ADAM32: variants seen among roughly 807,000 people sequenced by gnomAD.
The protein encoded by ADAM32 is disintegrin and metalloproteinase domain-containing protein 32.
A neutral mutation model predicts 114.9 loss-of-function variants in ADAM32; 89 were observed. That is an observed-to-expected ratio of 0.77 (90% confidence interval 0.65 to 0.92). ADAM32 has a LOEUF of 0.92. Among genes scored for constraint, ADAM32 ranks in the 40% least tolerant of loss-of-function variants. The pLI is 0.00. For missense variants in ADAM32, 870 were observed against 932.8 expected (o/e 0.93, Z 0.88); for synonymous variants, 285 against 307.5 (o/e 0.93, Z 0.77).
At chr8:39,208,619 G>C (rs73606767) in intron 11 of ADAM32, among the ~76,000 whole-genome samples, 37,570 of 152,020 alleles carry the variant, frequency 0.25, 5,019 homozygotes, top group Non-Finnish European at 0.29. Context: ...TGGTCTAAGA[G>C]TTTTGAATCA....
At position 39,273,839 on chromosome 8, in the gene ADAM32, G is replaced by A. The variant is rs146642172; in HGVS notation, c.2202-473G>A. 8.5e-3 allele frequency among the ~76,000 whole-genome samples: 1,290 copies of A among 152,152 alleles called. 15 individuals carry two copies. The highest frequency in any genetic ancestry group is 0.03 in the African/African-American group (1,225 of 41,504). On this transcript the variant is annotated intron_variant, in intron 20 of 24. Transcript: ENST00000379907. ...TCAGCACTCCTCTATGCGAGGAATGGAAAGGGAAAATTGTTTTGCCAGCTC... is the reference window on the plus strand; with the variant it reads ...TCAGCACTCCTCTATGCGAGGAATGAAAAGGGAAAATTGTTTTGCCAGCTC...
At chr8:39,118,387 T>C (rs566596466) in intron 2 of ADAM32, among the ~76,000 whole-genome samples, 1 of 152,220 alleles carries the variant, frequency 6.6e-6, no homozygotes, top group East Asian at 1.9e-4. Context: ...TTTTTAAAAG[T>C]TTACATATAG....
At chr8:39,141,100 G>A (rs1803125931) in intron 3 of ADAM32, among the ~76,000 whole-genome samples, 1 of 151,752 alleles carries the variant, frequency 6.6e-6, no homozygotes, top group Non-Finnish European at 1.5e-5. Context: ...TATTAGTCTT[G>A]CTAGTGGTCT....
intron 19 of ADAM32, among the ~76,000 whole-genome samples, chr8:39,266,266 G>T (rs1431651996): frequency 6.6e-6 from 1 of 152,158 alleles, no homozygotes; most frequent in African/African-American, 2.4e-5. Flanking sequence ...TTTCCAATTT[G>T]CTTGCTTTCT....
chr8:39,115,173 G>A (rs995982789), intron 1 of ADAM32, among the ~76,000 whole-genome samples: 2 of 152,196 alleles, frequency 1.3e-5, no homozygotes, highest in Admixed American at 1.3e-4. Flanking sequence ...GTGCTGCAAT[G>A]AATATACGTG....
intron 1 of ADAM32, among the ~76,000 whole-genome samples, chr8:39,114,616 G>C (rs1564423826): frequency 1.3e-5 from 2 of 152,170 alleles, no homozygotes; most frequent in African/African-American, 2.4e-5. Context: ...GTGCTCACCT[G>C]TCTCTGAGAG....
chr8:39,180,310 G>A (rs928516211), intron 10 of ADAM32, among the ~76,000 whole-genome samples: 44 of 152,226 alleles, frequency 2.9e-4, no homozygotes, highest in African/African-American at 1.0e-3. Context: ...CAGCCCACGG[G>A]TGCTGTGCTC....
At chr8:39,118,906 A>T (rs1469137177) in intron 2 of ADAM32, among the ~76,000 whole-genome samples, 4 of 152,168 alleles carry the variant, frequency 2.6e-5, no homozygotes, top group Non-Finnish European at 5.9e-5. Flanking sequence ...CCTTATGCAC[A>T]TTTGTAGTTC....
intron 19 of ADAM32, among the ~76,000 whole-genome samples, chr8:39,269,851 A>G (rs1033823866): frequency 1.3e-5 from 2 of 152,188 alleles, no homozygotes; most frequent in Non-Finnish European, 2.9e-5. Flanking sequence ...TGGGTAATTT[A>G]TAAAGGAAAG....
intron 10 of ADAM32, among the ~76,000 whole-genome samples, chr8:39,177,027 T>C (rs1236424949): frequency 2.6e-5 from 4 of 152,070 alleles, no homozygotes; most frequent in Admixed American, 6.6e-5. Context: ...TTTTCTGTTT[T>C]TCATTTGCTT....
chr8:39,189,809 T>C (rs1280141515), intron 11 of ADAM32, among the ~76,000 whole-genome samples: 12 of 152,154 alleles, frequency 7.9e-5, no homozygotes, highest in Non-Finnish European at 5.9e-5. Flanking sequence ...CTATATCTTT[T>C]TTTTTTGAGA....
intron 3 of ADAM32, among the ~76,000 whole-genome samples, chr8:39,139,371 C>T (rs905073026): frequency 2.0e-4 from 31 of 152,136 alleles, no homozygotes; most frequent in African/African-American, 6.8e-4. Flanking sequence ...AGGAAGGGAT[C>T]GAGTTTCAAC....
At chr8:39,161,989 T>C (rs1804535030) in intron 7 of ADAM32, among the ~76,000 whole-genome samples, 1 of 69,960 alleles carries the variant, frequency 1.4e-5, no homozygotes, top group African/African-American at 4.9e-5. Context: ...GGTTTTCTTT[T>C]TTATTTTATT....
rs150070064 is a variant in ADAM32 at position 39,110,543 on chromosome 8, A to G, written c.58+2710A>G. On this transcript the variant is annotated intron_variant, in intron 1 of 24. Transcript: ENST00000379907. The stretch of plus-strand genomic sequence containing the variant: ...TTGTGTGGACATAAGTTTTCAACTC[A>G]TTTGGGTAAATACCAAGAAATGCTA... 3.0e-3 allele frequency among the ~76,000 whole-genome samples: 455 copies of G among 152,320 alleles called. 5 individuals carry two copies. Among genetic ancestry groups the G allele is most frequent in the East Asian group, 0.011 (55 of 5,184 alleles).
In ADAM32 at chr8:39,164,765, A is replaced by G. The variant is rs200075407; in HGVS notation, c.596A>G (p.Tyr199Cys). Residue 199 changes from tyrosine (Y) to cysteine (C), a missense_variant and splice_region_variant, in exon 8 of 25, where the codon TAT becomes TGT. Tyr to Cys is a radical substitution (Grantham distance 194). Coordinates refer to ENST00000379907, the MANE Select transcript of ADAM32 (RefSeq NM_145004.7). ...EMHIVVDKTL[Y>C]DYWGSDSMIV... Reference sequence around the variant, plus strand: ...TATAAAATTAATTCTGTTTTTCAGTATGATTACTGGGGCTCTGATAGCATG... The same window carrying G: ...TATAAAATTAATTCTGTTTTTCAGTGTGATTACTGGGGCTCTGATAGCATG... 8.2e-6 allele frequency: 13 copies of G among 1,580,900 alleles called. No individual in the cohort carries two copies. In the African/African-American group the frequency reaches 1.4e-4, roughly 17 times the overall value.
At chr8:39,173,268 C>T (rs918602949) in intron 10 of ADAM32, among the ~76,000 whole-genome samples, 3 of 152,096 alleles carry the variant, frequency 2.0e-5, no homozygotes, top group South Asian at 2.1e-4. Context: ...CAAAAACAAA[C>T]AAGCAAACAA....
intron 6 of ADAM32, chr8:39,157,619 T>C (rs1210917058): frequency 5.2e-6 from 3 of 573,132 alleles, no homozygotes; most frequent in South Asian, 4.5e-5. Context: ...GAAGCGGCCA[T>C]GGCCAAATTT....
intron 3 of ADAM32, among the ~76,000 whole-genome samples, chr8:39,145,240 C>T (rs1803430771): frequency 6.6e-6 from 1 of 152,070 alleles, no homozygotes; most frequent in Non-Finnish European, 1.5e-5. Context: ...CAAATTGATA[C>T]ACAAATTCAA....
chr8:39,164,905 G>A, intron 8 of ADAM32, 70 bp downstream of exon 8: 1 of 1,515,760 alleles, frequency 6.6e-7, no homozygotes, highest in Non-Finnish European at 9.1e-7. Context: ...ACTTGATGCG[G>A]TATTCCTGGA....
Sources: gnomAD v4.1 joint callset for allele counts (sites outside exome capture counted in the v4.1 genomes callset) on GRCh38, gnomAD v4.1.1 for gene constraint, MANE v1.5 for transcripts, NCBI Gene and HGNC (gene_info 2026-07-23, HGNC 2026-07-21) for gene names.